The following WFDC1 variants were observed in gnomAD, a reference collection of about 807,000 sequenced individuals.
WFDC1 encodes the protein WAP four-disulfide core domain protein 1.
Under a neutral mutation model 32.9 loss-of-function variants are expected in WFDC1, and 39 were observed. That is an observed-to-expected ratio of 1.19 (90% confidence interval 0.92 to 1.55). The LOEUF is 1.55. Ranked by LOEUF, WFDC1 falls within the 40% of genes most tolerant of loss-of-function variation. The pLI is 0.00. For missense variants in WFDC1, 386 were observed against 309.5 expected (o/e 1.25, Z -1.85); for synonymous variants, 184 against 137.4 (o/e 1.34, Z -2.37).
intron 4 of WFDC1, 72 bp downstream of exon 4, chr16:84,319,643 C>T (rs367615352): frequency 4.4e-5 from 68 of 1,557,234 alleles, no homozygotes; most frequent in African/African-American, 9.4e-5. Context: ...GCCTCTCACC[C>T]GCATGGACGA....
chr16:84,306,852 A>C (rs1055840385), intron 1 of WFDC1, among the ~76,000 whole-genome samples: 5 of 152,196 alleles, frequency 3.3e-5, no homozygotes, highest in African/African-American at 1.2e-4. Flanking sequence ...GCACTGTTCT[A>C]CGAGCCAGGG....
At chr16:84,300,966 C>T (rs1749147170) in intron 1 of WFDC1, among the ~76,000 whole-genome samples, 1 of 139,300 alleles carries the variant, frequency 7.2e-6, no homozygotes, top group Non-Finnish European at 1.6e-5. Context: ...CAGAGTGAGA[C>T]TTCATCTCAA....
chr16:84,317,349 A>G (rs1908022350), intron 2 of WFDC1: 1 of 149,520 alleles, frequency 6.7e-6, no homozygotes, highest in African/African-American at 2.5e-5. Flanking sequence ...AGAAGTAAAT[A>G]AATAAATAGA....
At chr16:84,327,704 C>G (rs896677203) in intron 6 of WFDC1, 9 of 152,200 alleles carry the variant, frequency 5.9e-5, no homozygotes, top group Admixed American at 6.6e-5. Flanking sequence ...AAATCCAAGA[C>G]CAGACTAGGT....
At chr16:84,322,597 A>G (rs1003622727) in intron 4 of WFDC1, among the ~76,000 whole-genome samples, 50 of 152,258 alleles carry the variant, frequency 3.3e-4, no homozygotes, top group African/African-American at 1.2e-3. Flanking sequence ...GGACCATTTG[A>G]GAGTAAGCGA....
intron 1 of WFDC1, among the ~76,000 whole-genome samples, chr16:84,297,955 G>A (rs1183540229): frequency 6.6e-6 from 1 of 152,118 alleles, no homozygotes. Flanking sequence ...CGCTGAGTGA[G>A]ACCTTCAGCC....
At chr16:84,296,482 G>A (rs529600055) in intron 1 of WFDC1, among the ~76,000 whole-genome samples, 2 of 152,242 alleles carry the variant, frequency 1.3e-5, no homozygotes, top group Admixed American at 6.5e-5. Context: ...TTAGGGTTGG[G>A]GACAGTGGAC....
chr16:84,313,182 G>A (rs1439706138), intron 2 of WFDC1, 29 bp downstream of exon 2: 1 of 1,397,060 alleles, frequency 7.2e-7, no homozygotes, highest in Non-Finnish European at 9.2e-7. Flanking sequence ...GGAGGGGGCT[G>A]AGGGAGGAGG....
chr16:84,327,261 G>T, intron 6 of WFDC1: 2 of 321,294 alleles, frequency 6.2e-6, no homozygotes, highest in East Asian at 6.2e-5. Flanking sequence ...CACAATCATT[G>T]TTCACTGCAG....
chr16:84,308,005 C>G (rs948859818), intron 1 of WFDC1, among the ~76,000 whole-genome samples: 3 of 152,314 alleles, frequency 2.0e-5, no homozygotes, highest in Non-Finnish European at 4.4e-5. Flanking sequence ...TCCTTAAGGC[C>G]TCGTCTCCAT....
chr16:84,325,826 T>A (rs1231519184), intron 5 of WFDC1: 2 of 152,104 alleles, frequency 1.3e-5, no homozygotes, highest in Admixed American at 1.3e-4. Context: ...TTATATCCAC[T>A]CATCTATTTG....
Position 84,320,345 on chromosome 16 carries a change from T to C in WFDC1, c.562+774T>C, listed in dbSNP as rs1908235240. ...GGGGTATATCAGTACATAACTCCAT[T>C]GTAAGTCAAGAAGCATCTGTATCTG... On this transcript the variant is annotated intron_variant, in intron 4 of 6. Coordinates refer to ENST00000219454, the MANE Select transcript of WFDC1 (RefSeq NM_021197.4). Among the ~76,000 whole-genome samples the C allele has an allele frequency of 2.6e-5, 4 of 152,196 alleles. No homozygotes were observed. In the South Asian group the frequency reaches 8.3e-4, roughly 31 times the overall value.
chr16:84,309,465 G>A (rs962867227), intron 1 of WFDC1, among the ~76,000 whole-genome samples: 1 of 152,032 alleles, frequency 6.6e-6, no homozygotes, highest in Admixed American at 6.5e-5. Context: ...GGCCAGGGAC[G>A]AGGCCACTGT....
chr16:84,300,660 C>T (rs948698864), intron 1 of WFDC1, among the ~76,000 whole-genome samples: 1 of 151,652 alleles, frequency 6.6e-6, no homozygotes, highest in Non-Finnish European at 1.5e-5. Flanking sequence ...TTAATATGAA[C>T]CCCGTTCCTT....
chr16:84,324,277 C>T (rs1908461248), intron 4 of WFDC1, 142 bp from the exon 5 acceptor site: 1 of 697,322 alleles, frequency 1.4e-6, no homozygotes, highest in Non-Finnish European at 2.5e-6. Flanking sequence ...TACAAATGCT[C>T]ATGTAGCCTC....
intron 1 of WFDC1, among the ~76,000 whole-genome samples, chr16:84,309,717 C>T (rs1315762224): frequency 2.6e-5 from 4 of 152,098 alleles, no homozygotes; most frequent in Admixed American, 2.6e-4. Flanking sequence ...TCCAGAGGTT[C>T]CTTCCTTGCC....
At chr16:84,325,551 C>T (rs1908541482) in intron 5 of WFDC1, 1 of 151,716 alleles carries the variant, frequency 6.6e-6, no homozygotes, top group South Asian at 2.1e-4. Context: ...ACTCATCCAT[C>T]CACCCACCCA....
chr16:84,315,763 C>T (rs181673087), intron 2 of WFDC1, among the ~76,000 whole-genome samples: 24 of 152,312 alleles, frequency 1.6e-4, no homozygotes, highest in Middle Eastern at 3.4e-3. Flanking sequence ...CAAAATCGCT[C>T]TGCATTGAGA....
Position 84,312,949 on chromosome 16 carries a change from C to A in WFDC1, c.145-12C>A. ...GCGCCCCAGAGCTGCTGACACCGCC[C>A]TCTCCCCGCAGGCCGAGGAGGCGGG... On this transcript the variant is annotated splice_polypyrimidine_tract_variant and intron_variant, in intron 1 of 6. Transcript: ENST00000219454. 1.7e-6 allele frequency: 2 copies of A among 1,154,226 alleles called. No homozygotes were observed. Among genetic ancestry groups the A allele is most frequent in the South Asian group, 4.3e-5 (1 of 23,394 alleles). 71.5% of individuals were successfully genotyped at this position (1,154,226 alleles called of 1,614,324 possible).
Sources: allele counts gnomAD v4.1 joint callset (sites outside exome capture counted in the v4.1 genomes callset), GRCh38; gene constraint gnomAD v4.1.1; transcripts MANE v1.5; gene names NCBI Gene and HGNC (gene_info 2026-07-23, HGNC 2026-07-21).